The following TOPAZ1 variants were observed in gnomAD, a reference collection of about 807,000 sequenced individuals.
TOPAZ1 encodes testis and ovary specific TOPAZ 1.
In TOPAZ1, 66 loss-of-function variants were observed where a neutral mutation model predicts 172.2. The ratio of observed to expected loss-of-function variants is 0.38; its 90% confidence interval spans 0.31 to 0.47. The LOEUF (loss-of-function observed/expected upper bound fraction) is 0.47. Ranked by LOEUF, TOPAZ1 falls within the 20% of genes least tolerant of loss-of-function variation. The pLI, the probability that TOPAZ1 is intolerant of heterozygous loss-of-function variation, is 0.99. For synonymous variants in TOPAZ1, 681 were observed against 683.9 expected, an observed-to-expected ratio of 1.00 and a Z score of 0.07; for missense variants, 1,822 against 1,972.4, an observed-to-expected ratio of 0.92 and a Z score of 1.44.
At position 44,305,241 on chromosome 3, in the gene TOPAZ1, G is replaced by C; in HGVS notation, c.3959G>C (p.Cys1320Ser). ...AAATTTGCAGATTTCCAGACATTTT[G>C]TGCTTGCATTGCTGAAACACTCACA... ...CEKFADFQTF[C>S]ACIAETLTKN... The change falls in exon 14 of 20, where the codon TGT (cysteine) becomes TCT (serine). Residue 1320 changes from cysteine to serine, a missense_variant. By Grantham distance (112) the Cys-to-Ser change is moderately radical (BLOSUM62 -1). Transcript: ENST00000309765. The C allele has an allele frequency of 6.5e-7, 1 of 1,548,444 alleles. No individual in the cohort carries two copies. Among genetic ancestry groups the C allele is most frequent in the Non-Finnish European group, 8.7e-7 (1 of 1,146,098 alleles).
chr3:44,272,147 T>A (rs568369826), intron 8 of TOPAZ1, among the ~76,000 whole-genome samples: 1 of 152,374 alleles, frequency 6.6e-6, no homozygotes, highest in African/African-American at 2.4e-5. Flanking sequence ...ATTCATCCAT[T>A]GATGGACACT....
intron 12 of TOPAZ1, among the ~76,000 whole-genome samples, chr3:44,300,629 G>A (rs1344406975): frequency 6.6e-6 from 1 of 151,970 alleles, no homozygotes; most frequent in Admixed American, 6.6e-5. Context: ...CAAATGCTGG[G>A]GAGAGTGTGG....
downstream of TOPAZ1, among the ~76,000 whole-genome samples, chr3:44,333,364 C>T (rs575043388): frequency 2.0e-5 from 3 of 152,140 alleles, no homozygotes; most frequent in South Asian, 6.2e-4. Context: ...CTATAACCTG[C>T]CATTACTTCA....
chr3:44,285,966 T>G (rs1471591848), intron 9 of TOPAZ1, among the ~76,000 whole-genome samples: 1 of 151,136 alleles, frequency 6.6e-6, no homozygotes, highest in Admixed American at 6.6e-5. Flanking sequence ...TCCAGCACTT[T>G]GGGAGGCCAA....
intron 18 of TOPAZ1, among the ~76,000 whole-genome samples, chr3:44,324,534 T>C (rs1275853332): frequency 1.3e-5 from 2 of 152,076 alleles, no homozygotes; most frequent in East Asian, 1.9e-4. Flanking sequence ...CAGGAACAAA[T>C]ATAAGCTCAG....
At chr3:44,293,976 C>G (rs1700167652) in intron 12 of TOPAZ1, among the ~76,000 whole-genome samples, 2 of 152,220 alleles carry the variant, frequency 1.3e-5, no homozygotes, top group Admixed American at 1.3e-4. Flanking sequence ...TACAGTGGCT[C>G]ATGCCTGTAA....
In TOPAZ1 at chr3:44,242,873, A is replaced by G. The variant is rs1334517292; in HGVS notation, c.367A>G (p.Thr123Ala). The change falls in exon 2 of 20, where the codon ACT becomes GCT. Residue 123 changes from threonine (T) to alanine (A), a missense_variant. Coordinates refer to ENST00000309765, the MANE Select transcript of TOPAZ1 (RefSeq NM_001145030.2). ...ATCAGCCAAGGAAAAAAGAAAAGTTACTGAAGCCTCAAGTGATGATCCACA... is the reference window on the plus strand; with the variant it reads ...ATCAGCCAAGGAAAAAAGAAAAGTTGCTGAAGCCTCAAGTGATGATCCACA... ...ERHTKEKRKV[T>A]EASSDDPQPG... The G allele has an allele frequency of 1.3e-6, 2 of 1,506,468 alleles. No individual in the cohort carries two copies. Among genetic ancestry groups the G allele is most frequent in the Non-Finnish European group, 8.8e-7 (1 of 1,132,400 alleles). The allele number at this position is 1,506,468 out of a possible 1,614,324, so 93.3% of individuals were successfully genotyped here. A position where few individuals can be genotyped will look rare whatever the true frequency, so the allele number is the denominator to read the frequency against.
At chr3:44,274,246 C>T (rs1169187071) in intron 8 of TOPAZ1, among the ~76,000 whole-genome samples, 2 of 151,092 alleles carry the variant, frequency 1.3e-5, no homozygotes, top group East Asian at 4.0e-4. Flanking sequence ...CCCATCTCTA[C>T]TAAATTACAA....
intron 18 of TOPAZ1, among the ~76,000 whole-genome samples, chr3:44,324,416 CAT>C (rs1437553078): frequency 1.3e-5 from 2 of 151,824 alleles, no homozygotes; most frequent in Admixed American, 6.6e-5. Flanking sequence ...TACACACACA[CAT>C]ATATGTGTGT....
rs1256197216 is a variant in TOPAZ1, at chr3:44,255,012, G to A, written c.2810G>A (p.Cys937Tyr). ...TGTGGATGGATAAAGCCAGACATCT[G>A]TGCTTCCAACTCAGCAGGTAAAAGT... ...LDCGWIKPDI[C>Y]ASNSAESEIK... The change falls in exon 3 of 20, where the codon TGT (cysteine) becomes TAT (tyrosine). Residue 937 changes from cysteine to tyrosine, a missense_variant. Cys to Tyr is a radical substitution (Grantham distance 194, BLOSUM62 -2). Coordinates refer to ENST00000309765, the MANE Select transcript of TOPAZ1 (RefSeq NM_001145030.2). 6.4e-7 allele frequency: 1 copy of A among 1,551,506 alleles called. No homozygotes were observed. The highest frequency in any genetic ancestry group is 8.7e-7 in the Non-Finnish European group (1 of 1,146,830).
At chr3:44,322,377 T>C (rs1018908791) in intron 17 of TOPAZ1, among the ~76,000 whole-genome samples, 5 of 152,212 alleles carry the variant, frequency 3.3e-5, no homozygotes, top group Non-Finnish European at 5.9e-5. Context: ...AGGTCTGAAC[T>C]GTAGATATAA....
chr3:44,304,377 G>C (rs1207281339), intron 13 of TOPAZ1, among the ~76,000 whole-genome samples: 1 of 152,138 alleles, frequency 6.6e-6, no homozygotes, highest in African/African-American at 2.4e-5. Context: ...TTTTGAGACT[G>C]GGCAGACTCG....
chr3:44,254,880 CTAAAGTGACTATTAT>C, intron 2 of TOPAZ1, 73 bp from the exon 3 acceptor site: 3 of 955,682 alleles, frequency 3.1e-6, no homozygotes, highest in Non-Finnish European at 4.8e-6. Flanking sequence ...TCACCAGCAG[CTAAAGTGACTATTAT>C]TAATGTTTAG....
intron 12 of TOPAZ1, among the ~76,000 whole-genome samples, chr3:44,295,097 A>G (rs1320441787): frequency 2.0e-5 from 3 of 152,084 alleles, no homozygotes; most frequent in African/African-American, 7.2e-5. Context: ...GTTTTTTAGA[A>G]TTCCATTCTG....
intron 8 of TOPAZ1, among the ~76,000 whole-genome samples, chr3:44,278,967 T>A (rs186574340): frequency 3.2e-3 from 486 of 152,294 alleles, no homozygotes; most frequent in African/African-American, 0.011. Flanking sequence ...CATAGGCATT[T>A]AATGCTATAA....
chr3:44,303,957 G>A (rs1185269929), intron 12 of TOPAZ1, 58 bp from the exon 13 acceptor site: 3 of 964,090 alleles, frequency 3.1e-6, no homozygotes, highest in African/African-American at 1.7e-5. Flanking sequence ...TTAATTAGAA[G>A]CAGCAGTGAC....
intron 2 of TOPAZ1, among the ~76,000 whole-genome samples, chr3:44,246,541 G>C (rs943501463): frequency 1.3e-5 from 2 of 152,106 alleles, no homozygotes; most frequent in African/African-American, 4.8e-5. Context: ...GGAGAACCAA[G>C]AGTTTTATTG....
At chr3:44,307,018 G>T (rs773936942) in intron 15 of TOPAZ1, among the ~76,000 whole-genome samples, 5 of 151,872 alleles carry the variant, frequency 3.3e-5, no homozygotes, top group Non-Finnish European at 7.4e-5. Flanking sequence ...TGTTTGTGGG[G>T]TTTTTTTGTT....
At chr3:44,288,539 G>A (rs1700103132) in intron 11 of TOPAZ1, among the ~76,000 whole-genome samples, 1 of 152,076 alleles carries the variant, frequency 6.6e-6, no homozygotes, top group Non-Finnish European at 1.5e-5. Flanking sequence ...CAAAAAATTA[G>A]CCGGGCATGG....
Sources: allele counts gnomAD v4.1 joint callset (sites outside exome capture counted in the v4.1 genomes callset), GRCh38; gene constraint gnomAD v4.1.1; transcripts MANE v1.5; gene names NCBI Gene and HGNC (gene_info 2026-07-23, HGNC 2026-07-21).